The following CHL1 variants were observed in gnomAD, a reference collection of about 807,000 sequenced individuals.
The protein encoded by CHL1 is cell adhesion molecule L1 like, also known as neural cell adhesion molecule L1-like protein.
A neutral mutation model predicts 141.9 loss-of-function variants in CHL1; 96 were observed. That is an observed-to-expected ratio of 0.68 (90% CI 0.57 to 0.80). The LOEUF is 0.80. Among genes scored for constraint, CHL1 ranks in the 30% least tolerant of loss-of-function variants. The pLI, the probability that CHL1 is intolerant of heterozygous loss-of-function variation, is 0.00. For synonymous variants in CHL1, 613 were observed against 502.2 expected, an observed-to-expected ratio of 1.22 and a Z score of -2.95; for missense variants, 1,820 against 1,457.2, an observed-to-expected ratio of 1.25 and a Z score of -4.05.
intron 2 of CHL1, among the ~76,000 whole-genome samples, chr3:314,323 CTATG>C (rs1559240011): frequency 1.7e-5 from 1 of 60,160 alleles, no homozygotes; most frequent in Non-Finnish European, 3.4e-5. Context: ...CTCTCTCTCT[CTATG>C]TGTATATATA....
intron 2 of CHL1, among the ~76,000 whole-genome samples, chr3:251,250 G>A (rs1025470524): frequency 3.9e-5 from 6 of 152,062 alleles, no homozygotes; most frequent in African/African-American, 1.4e-4. Flanking sequence ...CATCTGTGCT[G>A]GGGAGGTAAA....
In CHL1 at chr3:363,318, C is replaced by T. The variant is rs1227233134; in HGVS notation, c.1520C>T (p.Ser507Phe). 24 of 1,613,608 alleles carry T rather than the reference C, an allele frequency of 1.5e-5. No individual in the cohort carries two copies. Among genetic ancestry groups the T allele is most frequent in the Non-Finnish European group, 1.9e-5 (22 of 1,179,768 alleles). ...AGAACCACCGAAGAAGATGCTGGGT[C>T]TTACTCATGTTGGGTAGAAAATGCT... ...INRTTEEDAG[S>F]YSCWVENAIG... Residue 507 changes from serine to phenylalanine, a missense_variant, in exon 14 of 28, where the codon TCT (serine) becomes TTT (phenylalanine). Coordinates refer to ENST00000256509, the MANE Select transcript of CHL1 (RefSeq NM_006614.4).
At chr3:330,829 T>C (rs1170264013) in intron 5 of CHL1, among the ~76,000 whole-genome samples, 2 of 152,178 alleles carry the variant, frequency 1.3e-5, no homozygotes, top group Non-Finnish European at 2.9e-5. Context: ...AAGATTCAGC[T>C]TAATTCAGGA....
chr3:390,920 A>G lies in CHL1; in HGVS notation c.2587-35A>G, dbSNP rs200293560. 115 of 1,581,686 alleles carry G rather than the reference A, an allele frequency of 7.3e-5. No homozygotes were observed. The Admixed American group carries it at 1.3e-3, about 18-fold the overall frequency. ...AAGTCAAAGAGAATCTGCGACCACA[A>G]TGGATATACTAAAAGATTTTGGTTT... is the stretch of plus-strand genomic sequence containing the variant. On this transcript the variant is annotated intron_variant, in intron 21 of 27. Coordinates refer to ENST00000256509, the MANE Select transcript of CHL1 (RefSeq NM_006614.4).
rs879663646 is a variant in CHL1, at chr3:362,194, T to C, written c.1418+384T>C. Among the ~76,000 whole-genome samples the C allele has an allele frequency of 1.2e-4, 18 of 152,334 alleles. 1 individual carries two copies. In the East Asian group the frequency reaches 2.5e-3, roughly 21 times the overall value. On this transcript the variant is annotated intron_variant, in intron 13 of 27. Coordinates refer to ENST00000256509, the MANE Select transcript of CHL1 (RefSeq NM_006614.4). ...ATCTAAGCTCGAATTTAATTCCAAA[T>C]GCATGTGCTTAAGACTTTTCCAGCA...
intron 16 of CHL1, among the ~76,000 whole-genome samples, chr3:378,738 T>A (rs1265398908): frequency 6.6e-6 from 1 of 152,192 alleles, no homozygotes; most frequent in Non-Finnish European, 1.5e-5. Context: ...TGTGTCCCAC[T>A]GCCAAAGTCA....
intron 15 of CHL1, among the ~76,000 whole-genome samples, chr3:377,371 CCTT>C: frequency 6.6e-6 from 1 of 152,240 alleles, no homozygotes; most frequent in Middle Eastern, 3.4e-3. Flanking sequence ...TTATCCGACT[CCTT>C]CTCAGGTATT....
chr3:279,896 C>G (rs938423096), intron 2 of CHL1, among the ~76,000 whole-genome samples: 1 of 152,118 alleles, frequency 6.6e-6, no homozygotes, highest in African/African-American at 2.4e-5. Flanking sequence ...TGAGAAGTCA[C>G]TTGAAAATGT....
At chr3:292,973 C>G (rs780997679) in intron 2 of CHL1, among the ~76,000 whole-genome samples, 9 of 152,186 alleles carry the variant, frequency 5.9e-5, no homozygotes, top group Admixed American at 1.3e-4. Context: ...GCTGTATCAC[C>G]AAGTGAACTA....
At chr3:397,251 C>G (rs949754407) in intron 24 of CHL1, among the ~76,000 whole-genome samples, 1 of 152,082 alleles carries the variant, frequency 6.6e-6, no homozygotes, top group Admixed American at 6.6e-5. Context: ...TTCAATGACG[C>G]TTAATCTTGA....
At chr3:238,271 G>A (rs1692190035) in intron 1 of CHL1, among the ~76,000 whole-genome samples, 1 of 152,042 alleles carries the variant, frequency 6.6e-6, no homozygotes, top group African/African-American at 2.4e-5. Context: ...CCAAAAAAGA[G>A]GTATTTTCAA....
chr3:331,998 G>A (rs182279877), intron 5 of CHL1, among the ~76,000 whole-genome samples: 6 of 152,344 alleles, frequency 3.9e-5, no homozygotes, highest in Admixed American at 2.6e-4. Flanking sequence ...TTTACTGCGT[G>A]ATCTTTGGAA....
chr3:227,087 G>A (rs1357396985), intron 1 of CHL1, among the ~76,000 whole-genome samples: 1 of 152,120 alleles, frequency 6.6e-6, no homozygotes, highest in East Asian at 1.9e-4. Context: ...ATTTCAACAG[G>A]TTTAAGAAGC....
chr3:341,766 T>C, intron 6 of CHL1, 146 bp from the exon 7 acceptor site: 1 of 609,028 alleles, frequency 1.6e-6, no homozygotes, highest in East Asian at 3.0e-5. Context: ...TTGCTCATTG[T>C]TCCTGTAGTA....
intron 2 of CHL1, among the ~76,000 whole-genome samples, chr3:299,670 C>G (rs1361876223): frequency 1.3e-5 from 2 of 152,096 alleles, no homozygotes; most frequent in East Asian, 3.9e-4. Flanking sequence ...CTCCATAACT[C>G]TCTTACTGCA....
At chr3:343,464 A>G (rs963200927) in intron 8 of CHL1, among the ~76,000 whole-genome samples, 21 of 152,174 alleles carry the variant, frequency 1.4e-4, no homozygotes, top group African/African-American at 4.1e-4. Context: ...ATGCAACTGT[A>G]CATTGTGGCT....
chr3:349,434 C>G lies in CHL1; in HGVS notation c.924C>G (p.Gly308=). Residue 308 remains glycine (G), a synonymous_variant, in exon 10 of 28, where the codon GGC becomes GGG. Coordinates refer to ENST00000256509, the MANE Select transcript of CHL1 (RefSeq NM_006614.4). ...GGAGAGAAACAAAAGAAAATTATGG[C>G]AAGACTTTGAAGATAGAGAATGTCT... is the stretch of plus-strand genomic sequence containing the variant. ...PKGRETKENY[G]KTLKIENVSY... 6.2e-7 allele frequency: 1 copy of G among 1,613,602 alleles called. No individual in the cohort carries two copies.
chr3:297,173 C>T (rs1225779569), intron 2 of CHL1, among the ~76,000 whole-genome samples: 1 of 152,016 alleles, frequency 6.6e-6, no homozygotes, highest in Non-Finnish European at 1.5e-5. Context: ...CTTCAGAGAG[C>T]TGTGATCACA....
intron 9 of CHL1, 40 bp downstream of exon 9, chr3:344,749 G>C (rs769168480): frequency 1.3e-6 from 2 of 1,597,906 alleles, no homozygotes; most frequent in Non-Finnish European, 1.7e-6. Flanking sequence ...TGTCCATCCA[G>C]TTCTGTAAAG....
Sources: gnomAD v4.1 joint callset for allele counts (sites outside exome capture counted in the v4.1 genomes callset) on GRCh38, gnomAD v4.1.1 for gene constraint, MANE v1.5 for transcripts, NCBI Gene and HGNC (gene_info 2026-07-23, HGNC 2026-07-21) for gene names.